ERI3: variants seen among roughly 807,000 people sequenced by gnomAD.
ERI3 encodes ERI1 exoribonuclease 3.
Under a neutral mutation model 44.4 loss-of-function variants are expected in ERI3, and 18 were observed. The ratio of observed to expected loss-of-function variants is 0.41; its 90% CI spans 0.28 to 0.60. The LOEUF (loss-of-function observed/expected upper bound fraction) is 0.60, where lower values mean the gene tolerates loss of function less well. Ranked by LOEUF, ERI3 falls within the 20% of genes least tolerant of loss-of-function variation. The pLI is 0.36. For missense variants in ERI3, 294 were observed against 435.5 expected, an observed-to-expected ratio of 0.68 and a Z score of 2.89; for synonymous variants, 183 against 164.8, an observed-to-expected ratio of 1.11 and a Z score of -0.84.
chr1:44,315,059 A>G (rs1646058471), intron 4 of ERI3, among the ~76,000 whole-genome samples: 1 of 152,228 alleles, frequency 6.6e-6, no homozygotes, highest in African/African-American at 2.4e-5. Flanking sequence ...TCTCCTGTTA[A>G]GCCTAGGGCT....
chr1:44,284,070 C>T (rs1447779353), intron 7 of ERI3: 3 of 470,914 alleles, frequency 6.4e-6, no homozygotes. Context: ...GACTGCTGCC[C>T]TTAGGTCAGA....
chr1:44,281,878 ATGTGTGTGTGTGTGTGTGTGTGTGTGTG>A (rs10574197), intron 7 of ERI3, among the ~76,000 whole-genome samples: 3 of 126,966 alleles, frequency 2.4e-5, no homozygotes, highest in East Asian at 2.3e-4. Context: ...ACATGTGCAT[ATGTGTGTGTGTGTGTGTGTGTGTGTGTG>A]TGTGTGTGTG....
intron 4 of ERI3, among the ~76,000 whole-genome samples, chr1:44,318,355 G>A (rs1313314207): frequency 3.9e-5 from 6 of 152,094 alleles, no homozygotes; most frequent in South Asian, 2.1e-4. Context: ...CCTTCCCTTC[G>A]CATAAGCAAG....
intron 8 of ERI3, among the ~76,000 whole-genome samples, chr1:44,234,742 G>A (rs1277053070): frequency 6.6e-6 from 1 of 151,954 alleles, no homozygotes; most frequent in East Asian, 1.9e-4. Flanking sequence ...AAACACTGGT[G>A]AAATTAAAAT....
At chr1:44,281,620 A>AAT (rs1553189596) in intron 7 of ERI3, among the ~76,000 whole-genome samples, 7 of 141,472 alleles carry the variant, frequency 4.9e-5, no homozygotes, top group East Asian at 2.0e-4. Context: ...ATATATATAT[A>AAT]ATATATATAT....
chr1:44,298,921 T>C (rs902075739), intron 6 of ERI3, among the ~76,000 whole-genome samples: 24 of 151,956 alleles, frequency 1.6e-4, no homozygotes, highest in African/African-American at 5.8e-4. Context: ...CACAAAAGAG[T>C]ATGCCTTGCA....
intron 6 of ERI3, among the ~76,000 whole-genome samples, chr1:44,297,107 C>T (rs552371085): frequency 2.6e-5 from 4 of 152,216 alleles, no homozygotes; most frequent in African/African-American, 9.6e-5. Flanking sequence ...GAGAAAAAGG[C>T]CTGTCAGGCT....
chr1:44,342,858 T>TAAATATATATATATATATATATA (rs1408660607), intron 2 of ERI3, among the ~76,000 whole-genome samples: 2 of 11,372 alleles, frequency 1.8e-4, no homozygotes, highest in Non-Finnish European at 3.3e-4. Context: ...TATATATATA[T>TAAATATATATATATATATATATA]TTTTTTTTTT....
chr1:44,333,686 TTA>T (rs765411970), intron 3 of ERI3, among the ~76,000 whole-genome samples: 5 of 152,348 alleles, frequency 3.3e-5, no homozygotes, highest in Non-Finnish European at 5.9e-5. Flanking sequence ...TGTAGGGATC[TTA>T]ACCAATTTCC....
chr1:44,340,664 G>C (rs1557865782), intron 2 of ERI3, among the ~76,000 whole-genome samples: 2 of 152,210 alleles, frequency 1.3e-5, no homozygotes, highest in Admixed American at 6.5e-5. Flanking sequence ...ATATACGCTA[G>C]TGTAGGTCCT....
chr1:44,326,142 A>G (rs2154329851), intron 3 of ERI3, among the ~76,000 whole-genome samples: 1 of 152,370 alleles, frequency 6.6e-6, no homozygotes, highest in East Asian at 1.9e-4. Context: ...CAACCCTCGG[A>G]AGAAAATTCC....
At chr1:44,339,874 A>G (rs1358430229) in intron 2 of ERI3, among the ~76,000 whole-genome samples, 1 of 152,150 alleles carries the variant, frequency 6.6e-6, no homozygotes, top group Non-Finnish European at 1.5e-5. Flanking sequence ...CCCAAGGTGA[A>G]GGCAAACAAA....
Position 44,241,442 on chromosome 1 carries a change from C to A in ERI3, c.931+6497G>T, listed in dbSNP as rs1644431679. ...ACACACACTCAAACACATGCTCACACATGCACACACATGCACACACTTCAC... is the reference window on the plus strand; with the variant it reads ...ACACACACTCAAACACATGCTCACAAATGCACACACATGCACACACTTCAC... On this transcript the variant is annotated intron_variant, in intron 8 of 8. Coordinates refer to ENST00000372257, the MANE Select transcript of ERI3 (RefSeq NM_024066.3). This position sits in a 1 kb window ranked among gnomAD's most constrained non-coding sequence, Gnocchi z 5.6. Among the ~76,000 whole-genome samples the A allele has an allele frequency of 6.6e-6, 1 of 152,034 alleles. No homozygotes were observed. The highest frequency in any genetic ancestry group is 1.5e-5 in the Non-Finnish European group (1 of 68,014).
At chr1:44,292,956 A>C (rs1341993061) in intron 6 of ERI3, among the ~76,000 whole-genome samples, 3 of 152,212 alleles carry the variant, frequency 2.0e-5, no homozygotes, top group African/African-American at 7.2e-5. Flanking sequence ...TTTAAATATC[A>C]GTGTGCGTGA....
chr1:44,331,118 A>C (rs1432073977), intron 3 of ERI3, among the ~76,000 whole-genome samples: 1 of 152,044 alleles, frequency 6.6e-6, no homozygotes, highest in Non-Finnish European at 1.5e-5. Context: ...CTCCACCCCC[A>C]TGCCCTCCAG....
intron 6 of ERI3, 61 bp downstream of exon 6, chr1:44,308,249 G>C (rs183630615): frequency 8.9e-6 from 11 of 1,236,974 alleles, no homozygotes; most frequent in Non-Finnish European, 1.2e-5. Context: ...GCCTCCAAAA[G>C]GCCAGACCTG....
intron 7 of ERI3, among the ~76,000 whole-genome samples, chr1:44,251,116 A>G (rs1176375165): frequency 6.6e-6 from 1 of 152,206 alleles, no homozygotes; most frequent in African/African-American, 2.4e-5. Flanking sequence ...CCCACAAAAC[A>G]TAGGTGGTCC....
intron 7 of ERI3, among the ~76,000 whole-genome samples, chr1:44,277,221 T>A (rs953468597): frequency 1.1e-4 from 16 of 152,300 alleles, no homozygotes; most frequent in Admixed American, 9.2e-4. Flanking sequence ...CCTGTCACAA[T>A]AGAAGCAGGG....
In ERI3 at chr1:44,235,270, C is replaced by A. The variant is rs376304725; in HGVS notation, c.931+12669G>T. ...TCAGTCCCACTCCCCTGTTGTACAG[C>A]CAAATTCAGGCTCATTTGCACCTTG... On this transcript the variant is annotated intron_variant, in intron 8 of 8. Transcript: ENST00000372257. The surrounding 1 kb of genome is among the most constrained non-coding windows in gnomAD (Gnocchi z 4.6). 1.9e-3 allele frequency among the ~76,000 whole-genome samples: 287 copies of A among 152,308 alleles called. No homozygotes were observed. The highest frequency in any genetic ancestry group is 4.6e-3 in the South Asian group (22 of 4,824).
Sources: allele counts gnomAD v4.1 joint callset (sites outside exome capture counted in the v4.1 genomes callset), GRCh38; gene constraint gnomAD v4.1.1; non-coding constraint Gnocchi (gnomAD v3.1); transcripts MANE v1.5; gene names NCBI Gene and HGNC (gene_info 2026-07-23, HGNC 2026-07-21).